The following COLGALT2 variants were observed in gnomAD, a reference collection of about 807,000 sequenced individuals.
COLGALT2 encodes collagen beta(1-O)galactosyltransferase 2, also known as procollagen galactosyltransferase 2.
COLGALT2 carries 49 observed loss-of-function variants against 73.4 expected under a neutral mutation model. The ratio of observed to expected loss-of-function variants is 0.67; its 90% confidence interval spans 0.53 to 0.85. COLGALT2 has a LOEUF of 0.85. Among genes scored for constraint, COLGALT2 ranks in the 40% least tolerant of loss-of-function variants. COLGALT2 has a pLI of 0.00. For missense variants in COLGALT2, 722 were observed against 790.2 expected (o/e 0.91, Z 1.03); for synonymous variants, 295 against 307.6 (o/e 0.96, Z 0.43).
At chr1:183,981,521 T>C (rs1387028342) in intron 1 of COLGALT2, among the ~76,000 whole-genome samples, 1 of 149,170 alleles carries the variant, frequency 6.7e-6, no homozygotes, top group Non-Finnish European at 1.5e-5. Context: ...CTGGGTATGG[T>C]GGCACGTGCC....
intron 1 of COLGALT2, among the ~76,000 whole-genome samples, chr1:184,028,970 C>T (rs900571310): frequency 6.6e-5 from 10 of 152,180 alleles, no homozygotes; most frequent in East Asian, 1.9e-4. Flanking sequence ...AAGTGAAACA[C>T]GTTACAAAGT....
At chr1:184,010,516 T>C (rs1672206024) in intron 1 of COLGALT2, among the ~76,000 whole-genome samples, 1 of 152,190 alleles carries the variant, frequency 6.6e-6, no homozygotes, top group African/African-American at 2.4e-5. Flanking sequence ...AAAGACATCA[T>C]GGTGATTTAG....
intron 10 of COLGALT2, among the ~76,000 whole-genome samples, chr1:183,942,795 A>G (rs577485586): frequency 1.3e-5 from 2 of 152,316 alleles, no homozygotes; most frequent in South Asian, 4.1e-4. Context: ...TTTTTCCTGT[A>G]TCCTTATCAA....
intron 10 of COLGALT2, among the ~76,000 whole-genome samples, chr1:183,941,275 A>G (rs930345621): frequency 1.5e-4 from 23 of 152,158 alleles, no homozygotes; most frequent in African/African-American, 5.6e-4. Flanking sequence ...GTCAGTCTGC[A>G]GTGAAGGTTC....
chr1:184,001,918 G>T (rs756764307), intron 1 of COLGALT2, among the ~76,000 whole-genome samples: 21 of 152,242 alleles, frequency 1.4e-4, no homozygotes, highest in African/African-American at 4.8e-4. Flanking sequence ...AGGTCTAAAA[G>T]TCTGGGCCTA....
chr1:184,027,653 G>A (rs1341030436), intron 1 of COLGALT2, among the ~76,000 whole-genome samples: 10 of 152,066 alleles, frequency 6.6e-5, no homozygotes, highest in Non-Finnish European at 1.5e-4. Context: ...ATGATTACCT[G>A]GATTTATCCA....
intron 1 of COLGALT2, among the ~76,000 whole-genome samples, chr1:183,992,146 G>A (rs1405462391): frequency 6.6e-6 from 1 of 152,182 alleles, no homozygotes; most frequent in Non-Finnish European, 1.5e-5. Flanking sequence ...ACCCTATGAT[G>A]TAGTATTCTT....
chr1:183,973,526 T>C, intron 4 of COLGALT2, 90 bp downstream of exon 4: 1 of 1,503,976 alleles, frequency 6.6e-7, no homozygotes, highest in South Asian at 1.2e-5. Flanking sequence ...TTCAAGGGAG[T>C]AAACAAGAGA....
chr1:183,976,339 A>C (rs1028515139), intron 2 of COLGALT2, among the ~76,000 whole-genome samples: 4 of 37,932 alleles, frequency 1.1e-4, no homozygotes, highest in Non-Finnish European at 2.0e-4. Flanking sequence ...TTTGAGAAAC[A>C]CATATGTATA....
chr1:183,977,853 G>A (rs12751980), intron 2 of COLGALT2, among the ~76,000 whole-genome samples: 69,229 of 120,218 alleles, frequency 0.58, 22,416 homozygotes, highest in Non-Finnish European at 0.75. Flanking sequence ...GAAGAGAAGC[G>A]AAGAAAAGAA....
intron 1 of COLGALT2, among the ~76,000 whole-genome samples, chr1:183,991,666 C>A (rs1214350562): frequency 1.3e-5 from 2 of 152,178 alleles, no homozygotes; most frequent in African/African-American, 2.4e-5. Flanking sequence ...CATATCACTT[C>A]ATTTGTGGTT....
chr1:183,963,862 T>C (rs1670789117), intron 6 of COLGALT2, 39 bp downstream of exon 6: 25 of 1,515,590 alleles, frequency 1.6e-5, no homozygotes, highest in Non-Finnish European at 2.2e-5. Context: ...ACTGTGGCAA[T>C]GGAACGAGAG....
At chr1:183,964,506 A>C (rs74130431) in intron 5 of COLGALT2, 2,402 of 156,926 alleles carry the variant, frequency 0.015, 61 homozygotes, top group African/African-American at 0.055. Context: ...GAAAAAACGA[A>C]GGAAATTTAA....
chr1:183,983,779 T>C (rs946109617), intron 1 of COLGALT2, among the ~76,000 whole-genome samples: 3 of 152,066 alleles, frequency 2.0e-5, no homozygotes, highest in African/African-American at 7.2e-5. Context: ...CCTTGGAAAA[T>C]GAGTACTGCC....
chr1:183,990,583 G>C (rs545162607), intron 1 of COLGALT2, among the ~76,000 whole-genome samples: 2 of 152,328 alleles, frequency 1.3e-5, no homozygotes, highest in Admixed American at 1.3e-4. Context: ...TGGCTAGAAA[G>C]GTGTGGGAAG....
chr1:183,959,177 G>A (rs1285072675), intron 6 of COLGALT2, among the ~76,000 whole-genome samples: 2 of 152,058 alleles, frequency 1.3e-5, no homozygotes, highest in Non-Finnish European at 2.9e-5. Flanking sequence ...CTAGCTCTCT[G>A]GCTGTTTTGT....
At chr1:183,957,035 T>C (rs1336629987) in intron 6 of COLGALT2, among the ~76,000 whole-genome samples, 2 of 152,132 alleles carry the variant, frequency 1.3e-5, no homozygotes, top group East Asian at 3.9e-4. Flanking sequence ...TCCTTCCCTG[T>C]ACTGCCACTT....
chr1:183,973,746 A>G lies in COLGALT2; in HGVS notation c.497T>C (p.Ile166Thr). The change falls in exon 4 of 12, where the codon ATA becomes ACA. Residue 166 changes from isoleucine to threonine, a missense_variant. Physicochemically the swap from Ile to Thr is moderately conservative, Grantham distance 89 (BLOSUM62 -1). Transcript: ENST00000361927. ...REKWSDYILF[I>T]DVDNFLTNPQ... The stretch of plus-strand genomic sequence containing the variant: ...ATTAGTCAGGAAATTGTCAACATCT[A>G]TGAACTAGGAAAAGAAAAGGATAAT... The G allele has an allele frequency of 1.2e-6, 2 of 1,613,466 alleles. No homozygotes were observed. The highest frequency in any genetic ancestry group is 1.7e-6 in the Non-Finnish European group (2 of 1,179,606).
intron 8 of COLGALT2, chr1:183,946,229 A>G (rs1670245725): frequency 6.6e-6 from 1 of 152,274 alleles, no homozygotes; most frequent in Non-Finnish European, 1.5e-5. Flanking sequence ...CCCATGAGCA[A>G]CAACTGTTTA....
Sources: allele counts gnomAD v4.1 joint callset (sites outside exome capture counted in the v4.1 genomes callset), GRCh38; gene constraint gnomAD v4.1.1; transcripts MANE v1.5; gene names NCBI Gene and HGNC (gene_info 2026-07-23, HGNC 2026-07-21).